CDH18: variants seen among roughly 807,000 people sequenced by gnomAD.
CDH18 encodes the protein cadherin-18.
In CDH18, 31 loss-of-function variants were observed where a neutral mutation model predicts 67.9. That is an observed-to-expected ratio of 0.46 (90% CI 0.34 to 0.62). CDH18 has a LOEUF of 0.62. Ranked by LOEUF, CDH18 falls within the 20% of genes least tolerant of loss-of-function variation. The probability of loss-of-function intolerance (pLI) is 0.01; values close to 1 mark genes in which losing one functional copy is unlikely to be tolerated. For synonymous variants in CDH18, 362 were observed against 347.2 expected (o/e 1.04, Z -0.48); for missense variants, 890 against 975.5 (o/e 0.91, Z 1.17).
intron 1 of CDH18, among the ~76,000 whole-genome samples, chr5:20,531,659 G>A (rs1387424179): frequency 6.6e-6 from 1 of 151,318 alleles, no homozygotes; most frequent in Non-Finnish European, 1.5e-5. Flanking sequence ...AACACAGCAT[G>A]TTCTCACTTA....
At chr5:19,746,846 A>G (rs979879431) in intron 4 of CDH18, 96 bp downstream of exon 4, 2 of 939,836 alleles carry the variant, frequency 2.1e-6, no homozygotes, top group African/African-American at 3.3e-5. Flanking sequence ...TATCCCCTCC[A>G]GATATATATA....
At chr5:20,445,029 T>C (rs1002549618) in intron 1 of CDH18, among the ~76,000 whole-genome samples, 3 of 152,176 alleles carry the variant, frequency 2.0e-5, no homozygotes, top group Non-Finnish European at 4.4e-5. Context: ...AAGCTTTCTT[T>C]TCATGCCAAA....
At chr5:20,051,201 T>C (rs1371277307) in intron 2 of CDH18, among the ~76,000 whole-genome samples, 1 of 151,946 alleles carries the variant, frequency 6.6e-6, no homozygotes, top group Non-Finnish European at 1.5e-5. Flanking sequence ...AAATTAGCTT[T>C]TGAACAAGGA....
intron 2 of CDH18, among the ~76,000 whole-genome samples, chr5:19,857,841 G>A (rs1460759619): frequency 6.6e-6 from 1 of 152,088 alleles, no homozygotes; most frequent in African/African-American, 2.4e-5. Context: ...CATGAAAAAT[G>A]TTATTTTCTC....
At chr5:20,397,117 T>G (rs1182126679) in intron 1 of CDH18, among the ~76,000 whole-genome samples, 1 of 152,150 alleles carries the variant, frequency 6.6e-6, no homozygotes, top group African/African-American at 2.4e-5. Context: ...TTTTTGTTTT[T>G]GTTTTTGTTT....
At chr5:19,724,945 G>C (rs1291494985) in intron 4 of CDH18, among the ~76,000 whole-genome samples, 1 of 62,328 alleles carries the variant, frequency 1.6e-5, no homozygotes, top group Non-Finnish European at 3.3e-5. Context: ...TTTTTTTTTT[G>C]AGACGGAGTC....
chr5:20,142,870 T>G (rs1750357081), intron 2 of CDH18, among the ~76,000 whole-genome samples: 1 of 152,176 alleles, frequency 6.6e-6, no homozygotes, highest in Non-Finnish European at 1.5e-5. Flanking sequence ...GCTATCAGTG[T>G]CTGATGTTTA....
intron 2 of CDH18, among the ~76,000 whole-genome samples, chr5:19,856,054 G>A (rs1784245320): frequency 6.6e-6 from 1 of 152,150 alleles, no homozygotes; most frequent in Admixed American, 6.6e-5. Flanking sequence ...CTTCTACTTT[G>A]TTTCAATAAA....
chr5:20,235,560 CA>C (rs1742412520), intron 2 of CDH18, among the ~76,000 whole-genome samples: 1 of 152,104 alleles, frequency 6.6e-6, no homozygotes. Flanking sequence ...AAATGCAAAT[CA>C]AAACCACAAT....
intron 2 of CDH18, among the ~76,000 whole-genome samples, chr5:20,166,863 C>G (rs554525717): frequency 6.6e-6 from 1 of 152,132 alleles, no homozygotes; most frequent in Non-Finnish European, 1.5e-5. Context: ...GCTTTATGAG[C>G]TGTGGCCAAT....
intron 1 of CDH18, among the ~76,000 whole-genome samples, chr5:20,272,744 T>C (rs551475463): frequency 6.6e-6 from 1 of 152,052 alleles, no homozygotes; most frequent in Admixed American, 6.6e-5. Flanking sequence ...ATTCTACAAA[T>C]GTATATTCTG....
At chr5:20,279,089 C>A (rs1746024935) in intron 1 of CDH18, among the ~76,000 whole-genome samples, 2 of 151,894 alleles carry the variant, frequency 1.3e-5, no homozygotes, top group South Asian at 4.2e-4. Flanking sequence ...GCTAAACTAT[C>A]CAATCAAAAG....
intron 1 of CDH18, among the ~76,000 whole-genome samples, chr5:20,296,219 C>G (rs1424361186): frequency 3.3e-5 from 5 of 150,202 alleles, no homozygotes; most frequent in Non-Finnish European, 7.4e-5. Flanking sequence ...AATTCACATA[C>G]TTCCACTAAG....
intron 1 of CDH18, among the ~76,000 whole-genome samples, chr5:20,268,212 G>T (rs1745185049): frequency 6.6e-6 from 1 of 152,046 alleles, no homozygotes; most frequent in Admixed American, 6.6e-5. Context: ...GGACACCTAG[G>T]TTGCTTCCAT....
intron 12 of CDH18, among the ~76,000 whole-genome samples, chr5:19,480,671 C>T (rs182970180): frequency 2.6e-5 from 4 of 152,220 alleles, no homozygotes; most frequent in Admixed American, 2.0e-4. Context: ...CCACCGCGCC[C>T]GGCCATATAA....
chr5:20,120,371 T>C (rs1311351649), intron 2 of CDH18, among the ~76,000 whole-genome samples: 1 of 152,120 alleles, frequency 6.6e-6, no homozygotes, highest in East Asian at 1.9e-4. Context: ...ATCAATTCAC[T>C]TAATAGGAAC....
At chr5:19,782,001 T>C (rs1252621700) in intron 3 of CDH18, among the ~76,000 whole-genome samples, 1 of 152,150 alleles carries the variant, frequency 6.6e-6, no homozygotes, top group Non-Finnish European at 1.5e-5. Flanking sequence ...AAAAAATCTA[T>C]TTTCAATTTA....
intron 1 of CDH18, among the ~76,000 whole-genome samples, chr5:20,311,684 T>A (rs1193743555): frequency 6.6e-6 from 1 of 152,020 alleles, no homozygotes; most frequent in East Asian, 1.9e-4. Flanking sequence ...TAGGAGAAAT[T>A]CCTAATGTAG....
chr5:19,850,045 C>A (rs536049009), intron 2 of CDH18, among the ~76,000 whole-genome samples: 1 of 151,676 alleles, frequency 6.6e-6, no homozygotes, highest in African/African-American at 2.4e-5. Flanking sequence ...TGTGTCATGG[C>A]CTTTGAGACA....
Sources: allele counts gnomAD v4.1 joint callset (sites outside exome capture counted in the v4.1 genomes callset), GRCh38; gene constraint gnomAD v4.1.1; transcripts MANE v1.5; gene names NCBI Gene and HGNC (gene_info 2026-07-23, HGNC 2026-07-21).